Variants in CIMIP6 observed in about 807,000 individuals in gnomAD.
The protein encoded by CIMIP6 is uncharacterized protein C2orf73.
the CIMIP6 span, chr2:54,330,967 T>C: frequency 7.4e-6 from 12 of 1,613,148 alleles, no homozygotes; most frequent in African/African-American, 1.5e-4. Flanking sequence ...CCTGGTGCCG[T>C]AGAGGCCCAT....
the CIMIP6 span, among the ~76,000 whole-genome samples, chr2:54,376,743 G>C: frequency 6.6e-6 from 1 of 152,162 alleles, no homozygotes; most frequent in East Asian, 1.9e-4. Flanking sequence ...TGCTGTGAAT[G>C]GTGTTCACAC....
At chr2:54,334,300 A>G in the CIMIP6 span, among the ~76,000 whole-genome samples, 2 of 152,220 alleles carry the variant, frequency 1.3e-5, no homozygotes, top group African/African-American at 4.8e-5. Flanking sequence ...TTTGACTGCC[A>G]CATAGTGTTC....
At chr2:54,342,414 G>T in the CIMIP6 span, among the ~76,000 whole-genome samples, 1 of 152,034 alleles carries the variant, frequency 6.6e-6, no homozygotes, top group East Asian at 1.9e-4. Flanking sequence ...TATTTTTGCT[G>T]CCTTTGACAA....
At chr2:54,344,149 TG>T in the CIMIP6 span, among the ~76,000 whole-genome samples, 1 of 152,204 alleles carries the variant, frequency 6.6e-6, no homozygotes, top group Non-Finnish European at 1.5e-5. Context: ...TGCTCATTGT[TG>T]TTGCCACCAC....
At chr2:54,360,510 C>A in the CIMIP6 span, 1 of 1,557,182 alleles carries the variant, frequency 6.4e-7, no homozygotes, top group South Asian at 1.2e-5. Context: ...GTAGGAGATG[C>A]TCTTTTCACT....
chr2:54,334,943 T>C, the CIMIP6 span: 1 of 1,600,334 alleles, frequency 6.2e-7, no homozygotes, highest in Non-Finnish European at 8.5e-7. Context: ...GTATATATTA[T>C]GCTAAATTCA....
chr2:54,333,635 T>A, the CIMIP6 span, among the ~76,000 whole-genome samples: 2 of 152,118 alleles, frequency 1.3e-5, no homozygotes, highest in Non-Finnish European at 2.9e-5. Flanking sequence ...ACGCCTGTAA[T>A]CCCACCACTT....
chr2:54,382,893 G>A, the CIMIP6 span, among the ~76,000 whole-genome samples: 1 of 152,144 alleles, frequency 6.6e-6, no homozygotes, highest in East Asian at 1.9e-4. Flanking sequence ...TCTGAGTGGG[G>A]GTTGGACATA....
At chr2:54,335,443 C>T in the CIMIP6 span, among the ~76,000 whole-genome samples, 24 of 152,112 alleles carry the variant, frequency 1.6e-4, no homozygotes, top group Non-Finnish European at 3.1e-4. Flanking sequence ...ATTCTTTAAT[C>T]TCTACAACAA....
the CIMIP6 span, among the ~76,000 whole-genome samples, chr2:54,331,154 A>C: frequency 6.6e-6 from 1 of 152,120 alleles, no homozygotes; most frequent in Non-Finnish European, 1.5e-5. Flanking sequence ...TACAACAATA[A>C]TTTTTAAAAC....
the CIMIP6 span, among the ~76,000 whole-genome samples, chr2:54,357,722 G>A: frequency 6.7e-5 from 10 of 150,030 alleles, no homozygotes; most frequent in South Asian, 1.1e-3. Flanking sequence ...GACTATAGGC[G>A]TTCACCACCA....
the CIMIP6 span, chr2:54,335,126 G>A: frequency 1.1e-6 from 1 of 873,000 alleles, no homozygotes; most frequent in Non-Finnish European, 1.7e-6. Flanking sequence ...ACATCTCAGA[G>A]TAGTACTTAT....
At chr2:54,354,098 A>T in the CIMIP6 span, among the ~76,000 whole-genome samples, 1 of 152,176 alleles carries the variant, frequency 6.6e-6, no homozygotes, top group Non-Finnish European at 1.5e-5. Flanking sequence ...AACCATTTAT[A>T]AAATAATCTG....
the CIMIP6 span, among the ~76,000 whole-genome samples, chr2:54,333,890 C>T: frequency 2.0e-3 from 304 of 151,914 alleles, no homozygotes; most frequent in Non-Finnish European, 3.6e-3. Flanking sequence ...GACTCCGTCT[C>T]AAAAAGGAAA....
At chr2:54,332,562 T>A in the CIMIP6 span, among the ~76,000 whole-genome samples, 1 of 152,236 alleles carries the variant, frequency 6.6e-6, no homozygotes, top group Non-Finnish European at 1.5e-5. Context: ...AGTCCCTGTC[T>A]GACTCACTTC....
the CIMIP6 span, among the ~76,000 whole-genome samples, chr2:54,378,419 T>C: frequency 2.0e-5 from 3 of 152,176 alleles, no homozygotes; most frequent in African/African-American, 4.8e-5. Flanking sequence ...AAACAGGAAG[T>C]CTATTGCAGC....
chr2:54,347,226 A>C, the CIMIP6 span, among the ~76,000 whole-genome samples: 1 of 152,208 alleles, frequency 6.6e-6, no homozygotes, highest in Non-Finnish European at 1.5e-5. Context: ...AGGCAAAATA[A>C]CTAAGAGGAG....
chr2:54,359,080 G>A, the CIMIP6 span: 3 of 1,400,198 alleles, frequency 2.1e-6, no homozygotes, highest in Admixed American at 2.1e-5. Flanking sequence ...GAAAGGTGAG[G>A]CAGTATTTAG....
chr2:54,337,696 G>A, the CIMIP6 span, among the ~76,000 whole-genome samples: 1 of 152,154 alleles, frequency 6.6e-6, no homozygotes, highest in Non-Finnish European at 1.5e-5. Flanking sequence ...ATGAACAAAG[G>A]TGTTAAGAGC....
Sources: allele counts gnomAD v4.1 joint callset (sites outside exome capture counted in the v4.1 genomes callset), GRCh38; gene constraint gnomAD v4.1.1; transcripts MANE v1.5; gene names NCBI Gene and HGNC (gene_info 2026-07-23, HGNC 2026-07-21).